RBL1: variants seen among roughly 807,000 people sequenced by gnomAD.
RBL1 encodes the protein retinoblastoma-like protein 1.
Under a neutral mutation model 123.0 loss-of-function variants are expected in RBL1, and 82 were observed. The observed-to-expected ratio is 0.67, with a 90% confidence interval of 0.56 to 0.80. RBL1 has a LOEUF of 0.80. Among genes scored for constraint, RBL1 ranks in the 30% least tolerant of loss-of-function variants. The probability of loss-of-function intolerance (pLI) is 0.00; values close to 1 mark genes in which losing one functional copy is unlikely to be tolerated. For missense variants in RBL1, 1,171 were observed against 1,299.6 expected, an observed-to-expected ratio of 0.90 and a Z score of 1.52; for synonymous variants, 405 against 441.3, an observed-to-expected ratio of 0.92 and a Z score of 1.03.
rs1441234484 is a variant in RBL1, at chr20:36,997,943, G to A, written c.*816C>T. On this transcript the variant is annotated 3_prime_UTR_variant, in exon 22 of 22. Coordinates refer to ENST00000373664, the MANE Select transcript of RBL1 (RefSeq NM_002895.5). ...GCACGAGAAGGGGTGAGACAACTCT[G>A]AATGGCGGTGGTACCTGGATGTGGA... 6.6e-6 allele frequency: 1 copy of A among 152,040 alleles called. No individual in the cohort carries two copies. The highest frequency in any genetic ancestry group is 1.9e-4 in the East Asian group (1 of 5,186). The allele number at this position is 152,040 out of a possible 1,614,324, so 9.4% of individuals were successfully genotyped here.
In RBL1 at chr20:37,067,011, G is replaced by C; in HGVS notation, c.667C>G (p.Leu223Val). The change falls in exon 5 of 22, where the codon CTA (leucine) becomes GTA (valine). Residue 223 changes from leucine to valine, a missense_variant. Leu to Val is a conservative substitution (Grantham distance 32). Coordinates refer to ENST00000373664, the MANE Select transcript of RBL1 (RefSeq NM_002895.5). ...GTCTTACCTTTAAATGATGGATTTA[G>C]CAAGTCTTGTCTATTTGGGCACATA... ...AIMCPNRQDL[L>V]NPSFKGLPSD... 1 of 1,608,222 alleles carries C rather than the reference G, an allele frequency of 6.2e-7. No homozygotes were observed. The highest frequency in any genetic ancestry group is 8.5e-7 in the Non-Finnish European group (1 of 1,176,268).
chr20:36,999,328 G>C (rs1226065101), intron 21 of RBL1, among the ~76,000 whole-genome samples: 2 of 149,872 alleles, frequency 1.3e-5, no homozygotes, highest in African/African-American at 2.4e-5. Flanking sequence ...CCTGAGCCTG[G>C]GGAGGTTGAA....
At chr20:37,077,714 T>C (rs190504448) in intron 2 of RBL1, among the ~76,000 whole-genome samples, 128 of 152,184 alleles carry the variant, frequency 8.4e-4, no homozygotes, top group African/African-American at 3.1e-3. Context: ...CATATAATTT[T>C]TTTCTGAACC....
At chr20:37,003,957 G>GA (rs2146199178) in intron 20 of RBL1, 91 bp from the exon 21 acceptor site, 1 of 1,169,546 alleles carries the variant, frequency 8.6e-7, no homozygotes, top group Admixed American at 3.0e-5. Context: ...CTTCTAGTTA[G>GA]AAAACAGTTA....
chr20:37,032,420 G>A (rs902932526), intron 16 of RBL1, among the ~76,000 whole-genome samples: 5 of 152,084 alleles, frequency 3.3e-5, no homozygotes, highest in South Asian at 2.1e-4. Flanking sequence ...CTGGGGAAAG[G>A]GAGAAATGGA....
chr20:37,024,129 C>G lies in RBL1; in HGVS notation c.2383-1303G>C, dbSNP rs74272547. Among the ~76,000 whole-genome samples the G allele has an allele frequency of 3.6e-4, 55 of 152,142 alleles. No homozygotes were observed. In the East Asian group the frequency reaches 8.3e-3, roughly 23 times the overall value. ...TCCAGATGGAAAAAAAAAGTTACCCCTTACAGAAAATTATCTTTGGCAGAA... is the reference window on the plus strand; with the variant it reads ...TCCAGATGGAAAAAAAAAGTTACCCGTTACAGAAAATTATCTTTGGCAGAA... On this transcript the variant is annotated intron_variant, in intron 16 of 21. Transcript: ENST00000373664.
At chr20:37,058,119 A>AAAGAAAAAAG (rs2065038354) in intron 9 of RBL1, among the ~76,000 whole-genome samples, 1 of 146,210 alleles carries the variant, frequency 6.8e-6, no homozygotes, top group Non-Finnish European at 1.5e-5. Context: ...TCTGTCTAAA[A>AAAGAAAAAAG]AAAAAAAAAA....
At chr20:37,089,843 G>T (rs1253582801) in intron 1 of RBL1, among the ~76,000 whole-genome samples, 1 of 152,080 alleles carries the variant, frequency 6.6e-6, no homozygotes, top group African/African-American at 2.4e-5. Flanking sequence ...TTGAGGCCAG[G>T]GGTTCAAGAC....
rs995289440 is a variant in RBL1 at position 37,001,839 on chromosome 20, C to T, written c.3036+1863G>A. On this transcript the variant is annotated intron_variant, in intron 21 of 21. Coordinates refer to ENST00000373664, the MANE Select transcript of RBL1 (RefSeq NM_002895.5). ...GTCCTATGGCCTTTGTGCTTTCCTA[C>T]CCTGTGAACTAAGAGTCTAAATCTG... Among the ~76,000 whole-genome samples the T allele has an allele frequency of 1.8e-4, 26 of 147,066 alleles. 1 individual carries two copies. The highest frequency in any genetic ancestry group is 3.6e-4 in the Non-Finnish European group (24 of 67,282).
At chr20:37,029,217 G>A (rs2146241368) in intron 16 of RBL1, among the ~76,000 whole-genome samples, 1 of 152,166 alleles carries the variant, frequency 6.6e-6, no homozygotes, top group Admixed American at 6.6e-5. Flanking sequence ...CATAATAAAG[G>A]ATATACAGTA....
In RBL1 at chr20:37,032,652, T is replaced by C. The variant is rs201688151; in HGVS notation, c.2382+13A>G. On this transcript the variant is annotated intron_variant, in intron 16 of 21. Coordinates refer to ENST00000373664, the MANE Select transcript of RBL1 (RefSeq NM_002895.5). ...TTAAACAAATTCTTCTAAAGTGCTA[T>C]AAAAACACATACCTTTCTGTAAAAT... 16 of 1,613,432 alleles carry C rather than the reference T, an allele frequency of 9.9e-6. No individual in the cohort carries two copies. In the East Asian group the frequency reaches 2.5e-4, roughly 25 times the overall value.
chr20:37,052,241 C>G (rs1240418596), intron 11 of RBL1, among the ~76,000 whole-genome samples: 1 of 151,876 alleles, frequency 6.6e-6, no homozygotes, highest in Non-Finnish European at 1.5e-5. Context: ...CTATGTTGGC[C>G]AGGCTGGTCT....
At chr20:37,055,309 G>GAAAA (rs59560599) in intron 11 of RBL1, among the ~76,000 whole-genome samples, 27 of 83,982 alleles carry the variant, frequency 3.2e-4, no homozygotes, top group African/African-American at 7.8e-4. Flanking sequence ...ATGAAGGACA[G>GAAAA]AAAAAAAAAA....
At chr20:36,999,249 T>C (rs1600424125) in intron 21 of RBL1, among the ~76,000 whole-genome samples, 1 of 151,892 alleles carries the variant, frequency 6.6e-6, no homozygotes, top group African/African-American at 2.4e-5. Context: ...CTACAAAAAA[T>C]ACAAAAATTA....
At chr20:37,074,663 A>C (rs1305423622) in intron 2 of RBL1, among the ~76,000 whole-genome samples, 1 of 152,100 alleles carries the variant, frequency 6.6e-6, no homozygotes, top group Non-Finnish European at 1.5e-5. Flanking sequence ...CAGTTCCTAA[A>C]AAGGTTAAAC....
chr20:37,023,307 G>A (rs530078801), intron 16 of RBL1, among the ~76,000 whole-genome samples: 1 of 151,990 alleles, frequency 6.6e-6, no homozygotes, highest in East Asian at 1.9e-4. Flanking sequence ...ATTTTTAGTA[G>A]AGACAGGGCT....
chr20:37,013,411 A>G (rs970842219), intron 19 of RBL1, among the ~76,000 whole-genome samples: 4 of 151,280 alleles, frequency 2.6e-5, no homozygotes, highest in Admixed American at 1.3e-4. Flanking sequence ...AAAAGTCATC[A>G]CCACTCCCTA....
At chr20:37,006,857 A>G (rs894900031) in intron 20 of RBL1, among the ~76,000 whole-genome samples, 8 of 149,852 alleles carry the variant, frequency 5.3e-5, no homozygotes, top group Non-Finnish European at 1.0e-4. Flanking sequence ...AAAAAAAAAG[A>G]AAACAAAAAA....
Position 36,997,048 on chromosome 20 carries a change from T to C in RBL1, c.*1711A>G, listed in dbSNP as rs978609697. 6.6e-6 allele frequency: 1 copy of C among 152,222 alleles called. No individual in the cohort carries two copies. The highest frequency in any genetic ancestry group is 2.4e-5 in the African/African-American group (1 of 41,456). 9.4% of individuals were successfully genotyped at this position (152,222 alleles called of 1,614,324 possible). A position where few individuals can be genotyped will look rare whatever the true frequency, so the allele number is the denominator to read the frequency against. On this transcript the variant is annotated 3_prime_UTR_variant, in exon 22 of 22. Transcript: ENST00000373664. ...TGGTTAAACATAGGTGAGTTAAACATTGTGCCTTTCCAAAATTAAGGTTTG... is the reference window on the plus strand; with the variant it reads ...TGGTTAAACATAGGTGAGTTAAACACTGTGCCTTTCCAAAATTAAGGTTTG...
Sources: allele counts gnomAD v4.1 joint callset (sites outside exome capture counted in the v4.1 genomes callset), GRCh38; gene constraint gnomAD v4.1.1; transcripts MANE v1.5; gene names NCBI Gene and HGNC (gene_info 2026-07-23, HGNC 2026-07-21).